SETD3: variants seen among roughly 807,000 people sequenced by gnomAD.
SETD3 encodes actin-histidine N-methyltransferase.
A neutral mutation model predicts 63.0 loss-of-function variants in SETD3; 19 were observed. The observed-to-expected ratio is 0.30, with a 90% confidence interval of 0.21 to 0.44. The LOEUF (loss-of-function observed/expected upper bound fraction) is 0.44, where lower values mean the gene tolerates loss of function less well. Among genes scored for constraint, SETD3 ranks in the 20% least tolerant of loss-of-function variants. The pLI, the probability that SETD3 is intolerant of heterozygous loss-of-function variation, is 1.00. For missense variants in SETD3, 587 were observed against 728.5 expected, an observed-to-expected ratio of 0.81 and a Z score of 2.24; for synonymous variants, 286 against 264.1, an observed-to-expected ratio of 1.08 and a Z score of -0.80.
At chr14:99,480,450 G>A (rs1462222532) in intron 1 of SETD3, among the ~76,000 whole-genome samples, 1 of 151,518 alleles carries the variant, frequency 6.6e-6, no homozygotes, top group East Asian at 1.9e-4. Flanking sequence ...GGACAGGGCA[G>A]CGGCGAGCGC....
intron 1 of SETD3, among the ~76,000 whole-genome samples, chr14:99,471,827 G>A (rs72704580): frequency 1.4e-4 from 21 of 152,206 alleles, no homozygotes; most frequent in Non-Finnish European, 2.8e-4. Context: ...GAAAGCTTAC[G>A]GCCCAAGCAC....
intron 6 of SETD3, among the ~76,000 whole-genome samples, chr14:99,423,588 CAA>C (rs536996347): frequency 6.1e-3 from 224 of 36,844 alleles, no homozygotes; most frequent in Middle Eastern, 0.036. Flanking sequence ...CACTGTTATG[CAA>C]AAAAAAAAAA....
intron 9 of SETD3, among the ~76,000 whole-genome samples, chr14:99,405,611 G>A (rs551974400): frequency 6.6e-6 from 1 of 152,230 alleles, no homozygotes; most frequent in Admixed American, 6.5e-5. Flanking sequence ...GGGAGGCCAG[G>A]AGAAAGTACC....
upstream of SETD3, among the ~76,000 whole-genome samples, chr14:99,485,834 A>G (rs1164381616): frequency 6.6e-6 from 1 of 152,142 alleles, no homozygotes; most frequent in Admixed American, 6.5e-5. Context: ...CCTGGATGAC[A>G]GAGGGAGACT....
rs142265824 is a variant in SETD3 at position 99,468,756 on chromosome 14, A to G, written c.-8-2943T>C. Among the ~76,000 whole-genome samples the G allele has an allele frequency of 2.0e-3, 301 of 152,234 alleles. 1 individual carries two copies. Among genetic ancestry groups the G allele is most frequent in the African/African-American group, 6.7e-3 (279 of 41,524 alleles). ...AGTCTACCTGGTCCCCCTAGTCACA[A>G]TCTTCTCTTCTCTGCACCTCTGCAA... On this transcript the variant is annotated intron_variant, in intron 1 of 12. Coordinates refer to ENST00000331768, the MANE Select transcript of SETD3 (RefSeq NM_032233.3).
intron 6 of SETD3, among the ~76,000 whole-genome samples, chr14:99,429,462 A>C (rs1893055029): frequency 6.6e-6 from 1 of 152,174 alleles, no homozygotes; most frequent in African/African-American, 2.4e-5. Context: ...AGAAATCTAA[A>C]CATAAACAGA....
chr14:99,434,769 C>G (rs1020820173), intron 6 of SETD3, among the ~76,000 whole-genome samples: 1 of 145,668 alleles, frequency 6.9e-6, no homozygotes, highest in Non-Finnish European at 1.5e-5. Flanking sequence ...ATTGCTTGAA[C>G]CCGGGAGGGA....
intron 1 of SETD3, among the ~76,000 whole-genome samples, chr14:99,474,274 G>A (rs563416151): frequency 6.6e-6 from 1 of 152,298 alleles, no homozygotes; most frequent in African/African-American, 2.4e-5. Flanking sequence ...GCAGTGAGCT[G>A]AGATCCAGCC....
rs139042419 is a variant in SETD3, at chr14:99,447,649, G to A, written c.675+10630C>T. On this transcript the variant is annotated intron_variant, in intron 6 of 12. Coordinates refer to ENST00000331768, the MANE Select transcript of SETD3 (RefSeq NM_032233.3). The stretch of plus-strand genomic sequence containing the variant: ...CTCTACCAAACTTTATAAAGGCACC[G>A]GCAACTCTCCAGAGAACAGGCAAGC... 4.0e-3 allele frequency among the ~76,000 whole-genome samples: 609 copies of A among 152,200 alleles called. 1 individual carries two copies. The highest frequency in any genetic ancestry group is 6.4e-3 in the Non-Finnish European group (436 of 67,996).
At chr14:99,472,229 A>G (rs556493757) in intron 1 of SETD3, among the ~76,000 whole-genome samples, 5 of 152,352 alleles carry the variant, frequency 3.3e-5, no homozygotes, top group Admixed American at 6.5e-5. Context: ...CCTAAAACAC[A>G]TAAGTAACTA....
intron 1 of SETD3, among the ~76,000 whole-genome samples, chr14:99,476,107 A>T (rs1566739317): frequency 1.3e-5 from 2 of 152,200 alleles, no homozygotes; most frequent in African/African-American, 4.8e-5. Flanking sequence ...ATTTTACACA[A>T]TATAAGATAG....
chr14:99,401,050 G>A (rs561411006), intron 11 of SETD3, among the ~76,000 whole-genome samples: 2 of 151,726 alleles, frequency 1.3e-5, no homozygotes, highest in South Asian at 4.2e-4. Context: ...GAGGTGCATG[G>A]ATGACTTGAA....
chr14:99,416,332 T>C (rs919968585), intron 6 of SETD3, among the ~76,000 whole-genome samples: 1 of 152,228 alleles, frequency 6.6e-6, no homozygotes, highest in African/African-American at 2.4e-5. Context: ...AAAATATCCT[T>C]AGATGAAAAT....
intron 1 of SETD3, among the ~76,000 whole-genome samples, chr14:99,467,012 A>T (rs1266072679): frequency 6.6e-6 from 1 of 152,262 alleles, no homozygotes; most frequent in Non-Finnish European, 1.5e-5. Context: ...ATGCTAGGAC[A>T]AAGGTTTAAA....
intron 3 of SETD3, among the ~76,000 whole-genome samples, chr14:99,462,863 T>C (rs956193204): frequency 5.3e-5 from 8 of 152,136 alleles, no homozygotes; most frequent in Admixed American, 3.9e-4. Context: ...CAATGCATGC[T>C]CCTTAGGATG....
At chr14:99,410,336 T>C (rs1891918642) in intron 8 of SETD3, 9 of 1,355,194 alleles carry the variant, frequency 6.6e-6, no homozygotes, top group Middle Eastern at 1.9e-4. Context: ...ACTGTAAGAC[T>C]CATCTAAATA....
At chr14:99,461,420 A>G in intron 3 of SETD3, 80 bp from the exon 4 acceptor site, 1 of 1,410,930 alleles carries the variant, frequency 7.1e-7, no homozygotes, top group Non-Finnish European at 9.7e-7. Flanking sequence ...AAATAAAAAC[A>G]GGCCATAACT....
chr14:99,420,400 ATCT>A (rs956462651), intron 6 of SETD3, among the ~76,000 whole-genome samples: 8 of 152,320 alleles, frequency 5.3e-5, no homozygotes, highest in East Asian at 1.9e-4. Context: ...GGACAAAAAA[ATCT>A]TCTTTCTCCA....
intron 6 of SETD3, among the ~76,000 whole-genome samples, chr14:99,447,767 C>T (rs1894218075): frequency 6.6e-6 from 1 of 152,198 alleles, no homozygotes; most frequent in South Asian, 2.1e-4. Context: ...AAAAATAGAG[C>T]ACAACCAGCT....
Sources: gnomAD v4.1 joint callset for allele counts (sites outside exome capture counted in the v4.1 genomes callset) on GRCh38, gnomAD v4.1.1 for gene constraint, MANE v1.5 for transcripts, NCBI Gene and HGNC (gene_info 2026-07-23, HGNC 2026-07-21) for gene names.